SYT16: variants seen among roughly 807,000 people sequenced by gnomAD.
The protein encoded by SYT16 is synaptotagmin 16.
SYT16 carries 42 observed loss-of-function variants against 61.4 expected under a neutral mutation model. That is an observed-to-expected ratio of 0.68 (90% CI 0.53 to 0.89). SYT16 has a LOEUF of 0.89. SYT16 is among the 40% of genes least tolerant of loss of function. The pLI is 0.00. For missense variants in SYT16, 804 were observed against 807.3 expected, an observed-to-expected ratio of 1.00 and a Z score of 0.05; for synonymous variants, 314 against 302.3, an observed-to-expected ratio of 1.04 and a Z score of -0.40.
At chr14:62,082,176 C>A (rs574918773) in intron 6 of SYT16, among the ~76,000 whole-genome samples, 1 of 152,216 alleles carries the variant, frequency 6.6e-6, no homozygotes, top group Non-Finnish European at 1.5e-5. Flanking sequence ...GTGAACAGCA[C>A]ATGCAAGCAG....
chr14:61,997,304 G>C (rs1595113653), intron 3 of SYT16, among the ~76,000 whole-genome samples: 1 of 152,124 alleles, frequency 6.6e-6, no homozygotes, highest in East Asian at 1.9e-4. Context: ...AAGGGATTTG[G>C]GTATGTGTGC....
At chr14:62,088,356 A>G (rs2056957265) in intron 7 of SYT16, among the ~76,000 whole-genome samples, 1 of 152,220 alleles carries the variant, frequency 6.6e-6, no homozygotes, top group Admixed American at 6.5e-5. Flanking sequence ...TTCCATTGGT[A>G]AGAAATTCTG....
At chr14:61,890,064 C>G (rs981225619) in intron 1 of SYT16, among the ~76,000 whole-genome samples, 3 of 152,128 alleles carry the variant, frequency 2.0e-5, no homozygotes, top group Non-Finnish European at 4.4e-5. Context: ...CGAGAAAGAT[C>G]ACGAAGAGGC....
intron 3 of SYT16, among the ~76,000 whole-genome samples, chr14:62,024,146 T>G (rs1029117691): frequency 6.6e-6 from 1 of 152,116 alleles, no homozygotes; most frequent in Admixed American, 6.6e-5. Flanking sequence ...AACTGTTGAC[T>G]TAATGAAAAA....
intron 1 of SYT16, among the ~76,000 whole-genome samples, chr14:61,844,588 A>C (rs1421785347): frequency 1.3e-5 from 2 of 152,082 alleles, no homozygotes. Context: ...AGTTTTTATC[A>C]TGAAGGGATG....
In SYT16 at chr14:62,100,399, T is replaced by G; in HGVS notation, c.1630T>G (p.Tyr544Asp). 6.2e-7 allele frequency: 1 copy of G among 1,601,018 alleles called. No homozygotes were observed. Among genetic ancestry groups the G allele is most frequent in the Non-Finnish European group, 8.5e-7 (1 of 1,173,130 alleles). The change falls in exon 8 of 8, where the codon TAT becomes GAT. Residue 544 changes from tyrosine (Y) to aspartate (D), a missense_variant. Coordinates refer to ENST00000683842, the MANE Select transcript of SYT16 (RefSeq NM_001367656.1). Reference protein sequence around the residue: ...NLAVNRAPDTYGKLFLLNSVG... With the variant: ...NLAVNRAPDTDGKLFLLNSVG... ...CCCTTTTTTTTTTGTCTTAGATACA[T>G]ATGGAAAACTCTTTCTCCTCAATTC... is the stretch of plus-strand genomic sequence containing the variant.
At chr14:62,012,026 C>T (rs907416772) in intron 3 of SYT16, among the ~76,000 whole-genome samples, 3 of 122,876 alleles carry the variant, frequency 2.4e-5, no homozygotes, top group Non-Finnish European at 3.5e-5. Context: ...CTCTCATGCA[C>T]CTTTTTAGAA....
chr14:61,948,905 G>A (rs2050555111), intron 1 of SYT16, among the ~76,000 whole-genome samples: 1 of 152,144 alleles, frequency 6.6e-6, no homozygotes, highest in African/African-American at 2.4e-5. Context: ...ATAAGGATGT[G>A]CAATGTGGGT....
rs114215342 is a variant in SYT16, at chr14:62,014,921, T to C, written c.523+18379T>C. Among the ~76,000 whole-genome samples the C allele has an allele frequency of 4.7e-3, 717 of 152,366 alleles. 4 individuals carry two copies. Among genetic ancestry groups the C allele is most frequent in the African/African-American group, 0.016 (684 of 41,588 alleles). ...ACTGTCTTCTAGCATCCTGAAATACTAAGTACACTTTATACCTAAAACCTT... is the reference window on the plus strand; with the variant it reads ...ACTGTCTTCTAGCATCCTGAAATACCAAGTACACTTTATACCTAAAACCTT... On this transcript the variant is annotated intron_variant, in intron 3 of 7. Transcript: ENST00000683842.
In SYT16 at chr14:62,101,487, CAAAA is replaced by C. The variant is rs1159762343; in HGVS notation, c.*783_*786del. On this transcript the variant is annotated 3_prime_UTR_variant, in exon 8 of 8. Coordinates refer to ENST00000683842, the MANE Select transcript of SYT16 (RefSeq NM_001367656.1). ...AATAAGTTCTTACAGAATAAGAAAA[CAAAA>C]AACAAGACTACTGCAGTCATAGATT... 6.6e-6 allele frequency: 1 copy of C among 151,998 alleles called. No individual in the cohort carries two copies. The highest frequency in any genetic ancestry group is 1.5e-5 in the Non-Finnish European group (1 of 67,940). 9.4% of individuals were successfully genotyped at this position (151,998 alleles called of 1,614,324 possible).
chr14:61,881,920 A>C (rs2047714514), intron 1 of SYT16, among the ~76,000 whole-genome samples: 1 of 152,106 alleles, frequency 6.6e-6, no homozygotes, highest in Admixed American at 6.6e-5. Flanking sequence ...TCTCATTCCC[A>C]CATCCAGTCC....
At position 62,025,255 on chromosome 14, in the gene SYT16, C is replaced by T. The variant is rs1044932747; in HGVS notation, c.523+28713C>T. Among the ~76,000 whole-genome samples the T allele has an allele frequency of 5.3e-5, 8 of 152,222 alleles. No individual in the cohort carries two copies. In the East Asian group the frequency reaches 1.5e-3, roughly 29 times the overall value. On this transcript the variant is annotated intron_variant, in intron 3 of 7. Coordinates refer to ENST00000683842, the MANE Select transcript of SYT16 (RefSeq NM_001367656.1). ...TCCCTCCAACAATGAATGAAAGTTC[C>T]TGTTGCTTCACATCCTTGCCAGCAT...
chr14:62,003,444 A>G (rs76624435), intron 3 of SYT16, among the ~76,000 whole-genome samples: 37 of 151,940 alleles, frequency 2.4e-4, no homozygotes, highest in African/African-American at 8.9e-4. Context: ...ACCAGCTTGT[A>G]TGAATCTAGT....
In SYT16 at chr14:62,048,682, G is replaced by T. The variant is rs192394484; in HGVS notation, c.524-20921G>T. ...AGAGATTCTGGTATGTCGTGTCTTT[G>T]TTCTTGTTGGTTTCAAAGAACATCT... On this transcript the variant is annotated intron_variant, in intron 3 of 7. Transcript: ENST00000683842. Among the ~76,000 whole-genome samples, 36 of 152,192 alleles carry T rather than the reference G, an allele frequency of 2.4e-4. 1 individual carries two copies. The highest frequency in any genetic ancestry group is 5.8e-4 in the East Asian group (3 of 5,188).
chr14:61,928,786 C>A (rs537694648), intron 1 of SYT16, among the ~76,000 whole-genome samples: 1 of 152,270 alleles, frequency 6.6e-6, no homozygotes, highest in South Asian at 2.1e-4. Flanking sequence ...GCATTACTTC[C>A]TTTTGAGGCT....
At chr14:61,960,882 A>G (rs1185899994) in intron 1 of SYT16, among the ~76,000 whole-genome samples, 1 of 152,170 alleles carries the variant, frequency 6.6e-6, no homozygotes, top group Non-Finnish European at 1.5e-5. Context: ...ACAAGGCTAC[A>G]GTAACCAAAA....
At chr14:61,976,467 G>A (rs1397649297) in intron 2 of SYT16, among the ~76,000 whole-genome samples, 3 of 152,142 alleles carry the variant, frequency 2.0e-5, no homozygotes, top group African/African-American at 7.2e-5. Flanking sequence ...GCAAACTTCT[G>A]CCTGGACATC....
intron 3 of SYT16, among the ~76,000 whole-genome samples, chr14:62,021,147 G>A (rs973765849): frequency 6.6e-6 from 1 of 152,116 alleles, no homozygotes; most frequent in Non-Finnish European, 1.5e-5. Context: ...AGTGTGAGTT[G>A]ATCATTTTGA....
In SYT16 at chr14:62,075,159, G is replaced by A. The variant is rs201294056; in HGVS notation, c.761G>A (p.Arg254His). ...GATTTGGATGGAGCCAGCCAACGGC[G>A]TTATTCTGAGAATCTCTCCTACGGT... ...CEDLDGASQRRYSENLSYGED... is the reference protein window; with the variant it reads ...CEDLDGASQRHYSENLSYGED... The change falls in exon 5 of 8, where the codon CGT (arginine) becomes CAT (histidine). Residue 254 changes from arginine (R) to histidine (H), a missense_variant. Physicochemically the swap from Arg to His is conservative, Grantham distance 29 (BLOSUM62 0). Coordinates refer to ENST00000683842, the MANE Select transcript of SYT16 (RefSeq NM_001367656.1). 1.5e-5 allele frequency: 24 copies of A among 1,611,358 alleles called. No homozygotes were observed. In the Middle Eastern group the frequency reaches 5.0e-4, roughly 33 times the overall value.
Sources: gnomAD v4.1 joint callset for allele counts (sites outside exome capture counted in the v4.1 genomes callset) on GRCh38, gnomAD v4.1.1 for gene constraint, MANE v1.5 for transcripts, NCBI Gene and HGNC (gene_info 2026-07-23, HGNC 2026-07-21) for gene names.